Variants in PPFIA2 observed in about 807,000 individuals in gnomAD.
PPFIA2 encodes PPFI scaffold protein A2.
In PPFIA2, 46 loss-of-function variants were observed where a neutral mutation model predicts 175.5. The observed-to-expected ratio is 0.26, with a 90% confidence interval of 0.21 to 0.34. The LOEUF (loss-of-function observed/expected upper bound fraction) is 0.34, where lower values mean the gene tolerates loss of function less well. PPFIA2 is among the 10% of genes least tolerant of loss of function. PPFIA2 has a pLI of 1.00. For missense variants in PPFIA2, 1,179 were observed against 1,506.1 expected (o/e 0.78, Z 3.60); for synonymous variants, 568 against 511.4 (o/e 1.11, Z -1.49).
chr12:81,721,076 T>C (rs200859412), intron 3 of PPFIA2, among the ~76,000 whole-genome samples: 4 of 115,886 alleles, frequency 3.5e-5, no homozygotes, highest in African/African-American at 1.3e-4. Context: ...GCGTCCTAGC[T>C]AAAAAAAAAA....
intron 1 of PPFIA2, 149 bp from the exon 2 acceptor site, chr12:81,758,656 G>T: frequency 3.0e-6 from 1 of 332,722 alleles, no homozygotes; most frequent in Non-Finnish European, 6.0e-6. Flanking sequence ...CGGAAAAATG[G>T]CATATTACAA....
At chr12:81,606,901 G>A (rs2060382046) in intron 4 of PPFIA2, among the ~76,000 whole-genome samples, 1 of 152,092 alleles carries the variant, frequency 6.6e-6, no homozygotes, top group African/African-American at 2.4e-5. Context: ...CCGATGTTGA[G>A]AATGGTATTT....
At chr12:81,413,399 T>G (rs1009161284) in intron 7 of PPFIA2, among the ~76,000 whole-genome samples, 1 of 151,782 alleles carries the variant, frequency 6.6e-6, no homozygotes, top group African/African-American at 2.4e-5. Flanking sequence ...ATGTTCATAT[T>G]ATAGGCTTCA....
chr12:81,680,219 G>A (rs1175311374), intron 3 of PPFIA2, among the ~76,000 whole-genome samples: 3 of 151,730 alleles, frequency 2.0e-5, no homozygotes, highest in Non-Finnish European at 4.4e-5. Flanking sequence ...ACCATATTGA[G>A]GTCATCATTT....
intron 3 of PPFIA2, among the ~76,000 whole-genome samples, chr12:81,746,426 G>C (rs1000111252): frequency 7.0e-6 from 1 of 143,566 alleles, no homozygotes; most frequent in African/African-American, 2.4e-5. Flanking sequence ...TGGTGATAGC[G>C]AACATTCTGA....
At chr12:81,275,134 C>T (rs184183220) in intron 28 of PPFIA2, among the ~76,000 whole-genome samples, 1 of 152,320 alleles carries the variant, frequency 6.6e-6, no homozygotes, top group East Asian at 1.9e-4. Context: ...CACATGCAAA[C>T]TTCCTTCTGG....
intron 3 of PPFIA2, among the ~76,000 whole-genome samples, chr12:81,728,200 T>C (rs2080345374): frequency 6.6e-6 from 1 of 151,400 alleles, no homozygotes; most frequent in Non-Finnish European, 1.5e-5. Flanking sequence ...TCACTTTTGG[T>C]TGTTTGTTGT....
chr12:81,459,003 G>T (rs2054065066), intron 4 of PPFIA2, among the ~76,000 whole-genome samples: 1 of 152,110 alleles, frequency 6.6e-6, no homozygotes, highest in South Asian at 2.1e-4. Flanking sequence ...TGAATATGAT[G>T]ATTATGCAAA....
intron 4 of PPFIA2, among the ~76,000 whole-genome samples, chr12:81,613,849 T>G (rs1488612938): frequency 3.9e-5 from 6 of 152,178 alleles, no homozygotes. Flanking sequence ...ATTTTAATAT[T>G]AATTATCTCA....
At chr12:81,717,036 T>A (rs1922555) in intron 3 of PPFIA2, among the ~76,000 whole-genome samples, 110,546 of 151,496 alleles carry the variant, frequency 0.73, 42,852 homozygotes, top group Non-Finnish European at 0.86. Context: ...TAAGAATCCA[T>A]GAGATAGTGG....
intron 8 of PPFIA2, among the ~76,000 whole-genome samples, chr12:81,397,926 A>C (rs960422544): frequency 2.6e-5 from 4 of 151,876 alleles, no homozygotes; most frequent in African/African-American, 9.7e-5. Context: ...TGCACTCCTT[A>C]TGAGAATCTA....
intron 4 of PPFIA2, among the ~76,000 whole-genome samples, chr12:81,667,899 CT>C (rs1291842399): frequency 6.6e-6 from 1 of 152,046 alleles, no homozygotes; most frequent in Non-Finnish European, 1.5e-5. Context: ...TGCATTCTAT[CT>C]GCTTCATAGG....
chr12:81,704,507 CTT>C (rs2076869987), intron 3 of PPFIA2, among the ~76,000 whole-genome samples: 2 of 151,950 alleles, frequency 1.3e-5, no homozygotes, highest in African/African-American at 2.4e-5. Flanking sequence ...TGTAATAAAA[CTT>C]AATGATAGCA....
chr12:81,714,696 G>A (rs2078369590), intron 3 of PPFIA2, among the ~76,000 whole-genome samples: 1 of 150,670 alleles, frequency 6.6e-6, no homozygotes, highest in African/African-American at 2.4e-5. Flanking sequence ...AGAAATAGAG[G>A]GTCTGAGTAT....
chr12:81,311,823 C>G lies in PPFIA2; in HGVS notation c.2643-12441G>C, dbSNP rs1160524739. Among the ~76,000 whole-genome samples the G allele has an allele frequency of 4.0e-5, 6 of 151,470 alleles. No individual in the cohort carries two copies. The East Asian group carries it at 1.2e-3, about 29-fold the overall frequency. ...ACAATCAATAGTACCTGAGTGGTCT[C>G]AAAGTATGACTTGAGCCTGGCTGCT... is the stretch of plus-strand genomic sequence containing the variant. On this transcript the variant is annotated intron_variant, in intron 22 of 32. Coordinates refer to ENST00000549396, the MANE Select transcript of PPFIA2 (RefSeq NM_003625.5).
At chr12:81,294,648 T>C (rs1424830295) in intron 24 of PPFIA2, 187 bp downstream of exon 24, 2 of 620,530 alleles carry the variant, frequency 3.2e-6, no homozygotes, top group East Asian at 2.8e-5. Context: ...ACGTCTGATA[T>C]GAATCATAGT....
chr12:81,526,580 A>G (rs2153274900), intron 4 of PPFIA2, among the ~76,000 whole-genome samples: 1 of 152,306 alleles, frequency 6.6e-6, no homozygotes, highest in Admixed American at 6.5e-5. Flanking sequence ...AATCACTAGG[A>G]TTGGTATAAA....
At chr12:81,590,397 T>G (rs1169900150) in intron 4 of PPFIA2, among the ~76,000 whole-genome samples, 1 of 152,156 alleles carries the variant, frequency 6.6e-6, no homozygotes, top group African/African-American at 2.4e-5. Flanking sequence ...CAGAATTACC[T>G]CAACCTCATT....
chr12:81,311,227 G>A (rs1353663062), intron 22 of PPFIA2, among the ~76,000 whole-genome samples: 1 of 152,162 alleles, frequency 6.6e-6, no homozygotes, highest in Non-Finnish European at 1.5e-5. Flanking sequence ...CATTATCTGA[G>A]TAATTCAGGT....
Sources: gnomAD v4.1 joint callset for allele counts (sites outside exome capture counted in the v4.1 genomes callset) on GRCh38, gnomAD v4.1.1 for gene constraint, MANE v1.5 for transcripts, NCBI Gene and HGNC (gene_info 2026-07-23, HGNC 2026-07-21) for gene names.